Variants in SH3GL2 observed in about 807,000 individuals in gnomAD.
The protein encoded by SH3GL2 is SH3 domain containing GRB2 like 2, endophilin A1.
SH3GL2 carries 24 observed loss-of-function variants against 46.0 expected under a neutral mutation model. The observed-to-expected ratio is 0.52, with a 90% CI of 0.38 to 0.73. The LOEUF is 0.73. Among genes scored for constraint, SH3GL2 ranks in the 30% least tolerant of loss-of-function variants. The pLI is 0.00. For missense variants in SH3GL2, 413 were observed against 424.2 expected, an observed-to-expected ratio of 0.97 and a Z score of 0.23; for synonymous variants, 196 against 147.1, an observed-to-expected ratio of 1.33 and a Z score of -2.40.
chr9:17,601,759 T>G (rs1400710476), intron 1 of SH3GL2, among the ~76,000 whole-genome samples: 2 of 152,206 alleles, frequency 1.3e-5, no homozygotes, highest in African/African-American at 4.8e-5. Context: ...CATTTTGAGT[T>G]GGTACACTTT....
intron 1 of SH3GL2, among the ~76,000 whole-genome samples, chr9:17,660,216 T>G (rs957047697): frequency 6.9e-6 from 1 of 144,502 alleles, no homozygotes; most frequent in African/African-American, 2.9e-5. Flanking sequence ...TGAAATAGTT[T>G]CTAACACTTA....
In SH3GL2 at chr9:17,685,854, T is replaced by C. The variant is rs971727440; in HGVS notation, c.46-61212T>C. 7.2e-5 allele frequency among the ~76,000 whole-genome samples: 11 copies of C among 152,040 alleles called. No individual in the cohort carries two copies. The East Asian group carries it at 1.2e-3, about 16-fold the overall frequency. On this transcript the variant is annotated intron_variant, in intron 1 of 8. Coordinates refer to ENST00000380607, the MANE Select transcript of SH3GL2 (RefSeq NM_003026.5). The stretch of plus-strand genomic sequence containing the variant: ...CATGCTGTTTTGGTTACTGTAGCCT[T>C]GTAGTATAGTTCAGGACGTAGGCAT...
chr9:17,661,004 A>G (rs1460626003), intron 1 of SH3GL2, among the ~76,000 whole-genome samples: 1 of 152,088 alleles, frequency 6.6e-6, no homozygotes. Flanking sequence ...TCTACTAAAA[A>G]TACAAAAATT....
intron 1 of SH3GL2, among the ~76,000 whole-genome samples, chr9:17,670,999 G>A (rs1437867902): frequency 6.6e-6 from 1 of 152,142 alleles, no homozygotes; most frequent in Non-Finnish European, 1.5e-5. Flanking sequence ...ACATTTTGAG[G>A]ACTACTAGGC....
intron 1 of SH3GL2, among the ~76,000 whole-genome samples, chr9:17,639,637 G>T (rs12349497): frequency 0.45 from 68,944 of 152,022 alleles, 16,551 homozygotes; most frequent in Non-Finnish European, 0.56. Context: ...GTATAATTCA[G>T]CAGTTCAACT....
intron 1 of SH3GL2, among the ~76,000 whole-genome samples, chr9:17,614,804 C>T (rs1206271798): frequency 6.6e-6 from 1 of 152,174 alleles, no homozygotes; most frequent in Non-Finnish European, 1.5e-5. Flanking sequence ...TTTGCTCTTT[C>T]TCTGCCATAT....
chr9:17,738,677 A>G (rs890984778), intron 1 of SH3GL2, among the ~76,000 whole-genome samples: 1 of 92,742 alleles, frequency 1.1e-5, no homozygotes, highest in Admixed American at 1.0e-4. Context: ...GAGAGAGATA[A>G]TTTTATTTCA....
chr9:17,714,625 CA>C (rs1366519029), intron 1 of SH3GL2, among the ~76,000 whole-genome samples: 1 of 151,812 alleles, frequency 6.6e-6, no homozygotes, highest in Non-Finnish European at 1.5e-5. Flanking sequence ...TTATTGCATA[CA>C]AACCTTAGAG....
intron 1 of SH3GL2, among the ~76,000 whole-genome samples, chr9:17,580,916 C>T (rs578047969): frequency 5.6e-4 from 86 of 152,270 alleles, no homozygotes; most frequent in Non-Finnish European, 9.3e-4. Context: ...AATTAAGAGT[C>T]TTGGCTTTGG....
At chr9:17,772,049 C>T (rs1166731170) in intron 3 of SH3GL2, among the ~76,000 whole-genome samples, 1 of 152,176 alleles carries the variant, frequency 6.6e-6, no homozygotes, top group Non-Finnish European at 1.5e-5. Flanking sequence ...AACAGCAGAG[C>T]ACATTGGTAT....
intron 1 of SH3GL2, among the ~76,000 whole-genome samples, chr9:17,711,097 G>T (rs1466271771): frequency 1.3e-5 from 2 of 151,900 alleles, no homozygotes; most frequent in Non-Finnish European, 2.9e-5. Flanking sequence ...AAATGACAGG[G>T]TGGTGGCCCT....
intron 1 of SH3GL2, among the ~76,000 whole-genome samples, chr9:17,596,387 A>G (rs1818571652): frequency 6.6e-6 from 1 of 151,822 alleles, no homozygotes; most frequent in Admixed American, 6.6e-5. Flanking sequence ...GTGTCATAGC[A>G]TTGACACTGT....
At chr9:17,671,270 A>G (rs1377120998) in intron 1 of SH3GL2, among the ~76,000 whole-genome samples, 1 of 151,896 alleles carries the variant, frequency 6.6e-6, no homozygotes, top group East Asian at 1.9e-4. Context: ...TTTGCTAGGC[A>G]GTGAAATGGT....
intron 1 of SH3GL2, among the ~76,000 whole-genome samples, chr9:17,708,894 T>C (rs570311950): frequency 1.3e-5 from 2 of 152,158 alleles, no homozygotes; most frequent in East Asian, 3.9e-4. Flanking sequence ...ACCACTGAGC[T>C]TCAGGCTTGT....
At chr9:17,637,876 G>T (rs1367881303) in intron 1 of SH3GL2, among the ~76,000 whole-genome samples, 1 of 152,138 alleles carries the variant, frequency 6.6e-6, no homozygotes, top group African/African-American at 2.4e-5. Flanking sequence ...ACTGATTTCA[G>T]CCGGGCGCGG....
chr9:17,660,639 A>G (rs1167631942), intron 1 of SH3GL2, among the ~76,000 whole-genome samples: 1 of 152,160 alleles, frequency 6.6e-6, no homozygotes, highest in Non-Finnish European at 1.5e-5. Context: ...GGGCTGTATG[A>G]TCTCAGAAAA....
At chr9:17,769,829 C>T (rs866432669) in intron 3 of SH3GL2, among the ~76,000 whole-genome samples, 4 of 152,234 alleles carry the variant, frequency 2.6e-5, no homozygotes, top group Admixed American at 6.5e-5. Flanking sequence ...ATTTACTATT[C>T]GTAATAATGG....
chr9:17,640,821 A>C (rs1588197520), intron 1 of SH3GL2, among the ~76,000 whole-genome samples: 1 of 152,218 alleles, frequency 6.6e-6, no homozygotes, highest in African/African-American at 2.4e-5. Context: ...TATTCAGGTC[A>C]GCTTTAACAT....
chr9:17,737,600 T>A (rs1013664081), intron 1 of SH3GL2, among the ~76,000 whole-genome samples: 6 of 152,160 alleles, frequency 3.9e-5, no homozygotes, highest in Non-Finnish European at 5.9e-5. Flanking sequence ...TTGCCCGTCC[T>A]CTGAGCTTGC....
Sources: allele counts gnomAD v4.1 joint callset (sites outside exome capture counted in the v4.1 genomes callset), GRCh38; gene constraint gnomAD v4.1.1; transcripts MANE v1.5; gene names NCBI Gene and HGNC (gene_info 2026-07-23, HGNC 2026-07-21).